The following PARP2 variants were observed in gnomAD, a reference collection of about 807,000 sequenced individuals.
The protein encoded by PARP2 is poly [ADP-ribose] polymerase 2.
PARP2 carries 57 observed loss-of-function variants against 77.8 expected under a neutral mutation model. The observed-to-expected ratio is 0.73, with a 90% CI of 0.59 to 0.91. PARP2 has a LOEUF of 0.91. Ranked by LOEUF, PARP2 falls within the 40% of genes least tolerant of loss-of-function variation. PARP2 has a pLI of 0.00. For missense variants in PARP2, 651 were observed against 689.0 expected (o/e 0.94, Z 0.62); for synonymous variants, 226 against 242.6 (o/e 0.93, Z 0.64).
Position 20,351,104 on chromosome 14 carries a change from A to G in PARP2, c.479A>G (p.Lys160Arg). The stretch of plus-strand genomic sequence containing the variant: ...TGTTCAGGCAATCTCAACAAGGCCA[A>G]GGAAATCTTTCAGAAGAAGTGAGTG... ...VACSGNLNKA[K>R]EIFQKKFLDK... Residue 160 changes from lysine (K) to arginine (R), a missense_variant, in exon 6 of 16, where the codon AAG (lysine) becomes AGG (arginine). Coordinates refer to ENST00000429687, the MANE Select transcript of PARP2 (RefSeq NM_001042618.2). 6.2e-7 allele frequency: 1 copy of G among 1,613,910 alleles called. No homozygotes were observed. Among genetic ancestry groups the G allele is most frequent in the Non-Finnish European group, 8.5e-7 (1 of 1,179,784 alleles).
intron 7 of PARP2, 39 bp downstream of exon 7, chr14:20,352,386 T>C (rs1268149341): frequency 1.6e-6 from 2 of 1,254,834 alleles, no homozygotes; most frequent in East Asian, 4.6e-5. Flanking sequence ...ACACATCTTC[T>C]TTTTTTATTT....
intron 7 of PARP2, 59 bp from the exon 8 acceptor site, chr14:20,354,026 T>C (rs572420676): frequency 9.7e-6 from 13 of 1,340,994 alleles, no homozygotes; most frequent in Admixed American, 5.2e-5. Flanking sequence ...TTGGGTGTTA[T>C]AAGGAATCTA....
intron 4 of PARP2, among the ~76,000 whole-genome samples, chr14:20,347,339 C>T (rs1883764607): frequency 1.1e-5 from 1 of 91,938 alleles, no homozygotes; most frequent in African/African-American, 5.0e-5. Context: ...TGCCTAAAGT[C>T]CTTCATATGT....
chr14:20,355,186 A>T (rs1233427395), intron 9 of PARP2: 2 of 411,620 alleles, frequency 4.9e-6, no homozygotes, highest in African/African-American at 2.0e-5. Flanking sequence ...AACCCAAGAG[A>T]GAATGGGTCT....
chr14:20,356,494 C>T, intron 12 of PARP2, 60 bp downstream of exon 12: 1 of 1,610,706 alleles, frequency 6.2e-7, no homozygotes, highest in Non-Finnish European at 8.5e-7. Flanking sequence ...AGCTGTAGAA[C>T]TTATAAGAGG....
intron 3 of PARP2, 101 bp from the exon 4 acceptor site, chr14:20,346,762 G>A (rs1053658195): frequency 1.2e-5 from 9 of 770,768 alleles, no homozygotes; most frequent in Non-Finnish European, 2.1e-5. Flanking sequence ...TGATGTTGCT[G>A]TAGAATGATG....
rs1305709375 is a variant in PARP2, at chr14:20,357,131, A to G, written c.1410A>G (p.Gly470=). The G allele has an allele frequency of 6.2e-7, 1 of 1,607,426 alleles. No individual in the cohort carries two copies. ...TTGCCTCTCGCCTAAAGAATACAGG[A>G]CTGCTGCTCTTATCAGAGGTGAGAC... ...YCFASRLKNT[G]LLLLSEVALG... is the part of the protein sequence containing the mutation. The change falls in exon 14 of 16, where the codon GGA becomes GGG. Residue 470 remains glycine, a synonymous_variant. Transcript: ENST00000429687.
At chr14:20,347,356 G>GTGTGTGTATGTATATATATA (rs1168423656) in intron 4 of PARP2, among the ~76,000 whole-genome samples, 2 of 29,574 alleles carry the variant, frequency 6.8e-5, no homozygotes, top group Non-Finnish European at 1.1e-4. Context: ...ATGTGTGTGT[G>GTGTGTGTATGTATATATATA]TATATATATA....
rs761313760 is a variant in PARP2 at position 20,355,958 on chromosome 14, AC to A, written c.1031del (p.Pro344HisfsTer25). 1.2e-6 allele frequency: 2 copies of A among 1,614,054 alleles called. No individual in the cohort carries two copies. The highest frequency in any genetic ancestry group is 2.2e-5 in the South Asian group (2 of 91,072). The stretch of plus-strand genomic sequence containing the variant: ...AAAACAGAGCTACAAAGCCCAGAAC[AC>A]CCATTGGACCAACACTATAGAAACC... ...LVKTELQSPE[H>X]PLDQHYRNLH... is the part of the protein sequence containing the mutation. On this transcript the variant is annotated frameshift_variant, in exon 11 of 16. Transcript: ENST00000429687. LOFTEE classifies it high-confidence loss of function.
At chr14:20,355,519 T>C in intron 9 of PARP2, 1 of 333,232 alleles carries the variant, frequency 3.0e-6, no homozygotes, top group Non-Finnish European at 5.4e-6. Context: ...TAATTTTAAC[T>C]CTAGTCTCAA....
intron 8 of PARP2, 71 bp downstream of exon 8, chr14:20,354,318 CATT>C (rs1307574335): frequency 1.9e-5 from 24 of 1,237,618 alleles, no homozygotes; most frequent in Non-Finnish European, 2.8e-5. Flanking sequence ...ACTTTATTAT[CATT>C]ATGATTTAAA....
chr14:20,355,728 T>C, intron 9 of PARP2, 24 bp from the exon 10 acceptor site: 2 of 1,600,340 alleles, frequency 1.2e-6, no homozygotes, highest in South Asian at 1.1e-5. Context: ...GAAAGCTCAT[T>C]ATGGGTTATA....
intron 4 of PARP2, among the ~76,000 whole-genome samples, chr14:20,347,354 GTGT>G (rs1883771995): frequency 2.3e-5 from 1 of 43,956 alleles, no homozygotes. Context: ...ATATGTGTGT[GTGT>G]ATATATATAT....
chr14:20,353,818 T>C lies in PARP2; in HGVS notation c.601-267T>C, dbSNP rs1247716704. 2.0e-5 allele frequency among the ~76,000 whole-genome samples: 3 copies of C among 152,134 alleles called. No homozygotes were observed. The East Asian group carries it at 5.8e-4, about 29-fold the overall frequency. On this transcript the variant is annotated intron_variant, in intron 7 of 15. Coordinates refer to ENST00000429687, the MANE Select transcript of PARP2 (RefSeq NM_001042618.2). Reference sequence around the variant, plus strand: ...TGAGGAAAGCCTTTTTTTTCTAGACTTATTCTGAGTTGTAAAATGTGGGAG... The same window carrying C: ...TGAGGAAAGCCTTTTTTTTCTAGACCTATTCTGAGTTGTAAAATGTGGGAG...
chr14:20,346,639 C>T (rs2138917578), intron 3 of PARP2: 1 of 441,962 alleles, frequency 2.3e-6, no homozygotes, highest in Admixed American at 3.3e-5. Context: ...CAGCCTAACT[C>T]AGAATCTTTT....
chr14:20,344,003 G>A (rs931587732), intron 1 of PARP2, among the ~76,000 whole-genome samples: 5 of 152,130 alleles, frequency 3.3e-5, no homozygotes, highest in African/African-American at 1.2e-4. Context: ...ACTGAAAATG[G>A]TGAACTGTGA....
intron 2 of PARP2, 33 bp from the exon 3 acceptor site, chr14:20,345,361 C>G (rs2138913841): frequency 6.4e-7 from 1 of 1,561,982 alleles, no homozygotes; most frequent in Non-Finnish European, 8.8e-7. Flanking sequence ...GTTTTTGATT[C>G]CCATAAAGTA....
intron 8 of PARP2, 97 bp from the exon 9 acceptor site, chr14:20,354,712 A>C: frequency 8.0e-7 from 1 of 1,250,662 alleles, no homozygotes; most frequent in Non-Finnish European, 1.1e-6. Flanking sequence ...GGAAAAAAAA[A>C]AGTTGAAAGA....
intron 8 of PARP2, 33 bp downstream of exon 8, chr14:20,354,280 C>G: frequency 6.6e-7 from 1 of 1,521,146 alleles, no homozygotes; most frequent in Non-Finnish European, 9.1e-7. Context: ...GCATTCTCTC[C>G]TTATAATTCC....
Sources: gnomAD v4.1 joint callset for allele counts (sites outside exome capture counted in the v4.1 genomes callset) on GRCh38, gnomAD v4.1.1 for gene constraint, MANE v1.5 for transcripts, NCBI Gene and HGNC (gene_info 2026-07-23, HGNC 2026-07-21) for gene names.